Variants in TSEN15 observed in about 807,000 individuals in gnomAD.
The protein encoded by TSEN15 is tRNA-splicing endonuclease subunit Sen15.
In TSEN15, 10 loss-of-function variants were observed where a neutral mutation model predicts 20.5. The ratio of observed to expected loss-of-function variants is 0.49; its 90% CI spans 0.30 to 0.83. The LOEUF (loss-of-function observed/expected upper bound fraction) is 0.83. TSEN15 is among the 40% of genes least tolerant of loss of function. The pLI, the probability that TSEN15 is intolerant of heterozygous loss-of-function variation, is 0.06. For missense variants in TSEN15, 180 were observed against 218.6 expected (o/e 0.82, Z 1.11); for synonymous variants, 72 against 80.1 (o/e 0.90, Z 0.54).
intron 3 of TSEN15, chr1:184,070,558 A>G: frequency 3.7e-6 from 3 of 814,364 alleles, no homozygotes; most frequent in South Asian, 1.7e-5. Flanking sequence ...GTAGAAAAAA[A>G]TTAATTCAAG....
intron 3 of TSEN15, among the ~76,000 whole-genome samples, chr1:184,062,274 C>G (rs970139437): frequency 1.3e-5 from 2 of 152,066 alleles, no homozygotes; most frequent in East Asian, 3.8e-4. Context: ...GGACAGTACT[C>G]TAGATTGTTT....
chr1:184,074,411 A>G (rs1651016172), downstream of TSEN15, among the ~76,000 whole-genome samples: 1 of 152,132 alleles, frequency 6.6e-6, no homozygotes, highest in African/African-American at 2.4e-5. Flanking sequence ...TGACTGGGGA[A>G]GGGTCAGCTT....
At chr1:184,085,211 G>GT (rs1377066111) in intron 3 of TSEN15, among the ~76,000 whole-genome samples, 3 of 152,170 alleles carry the variant, frequency 2.0e-5, no homozygotes, top group Admixed American at 2.0e-4. Flanking sequence ...AAGGGGGAAT[G>GT]TTCAGGGTGC....
chr1:184,072,730 T>C, intron 4 of TSEN15, 97 bp from the exon 5 acceptor site: 1 of 973,472 alleles, frequency 1.0e-6, no homozygotes, highest in Non-Finnish European at 1.6e-6. Context: ...ACTTTGTTGG[T>C]ATAATTTGGA....
intron 3 of TSEN15, among the ~76,000 whole-genome samples, chr1:184,082,516 G>A (rs1290620576): frequency 1.3e-5 from 2 of 152,112 alleles, no homozygotes; most frequent in Non-Finnish European, 2.9e-5. Flanking sequence ...AGGGGGTATA[G>A]GGTAGGAGTG....
In TSEN15 at chr1:184,060,202, A is replaced by T. The variant is rs148544264; in HGVS notation, c.353+5339A>T. ...AGACAGTTTGTTTTTATTTTTTGAC[A>T]GAAATAAGGTACTGTTTAATGGGGA... On this transcript the variant is annotated intron_variant, in intron 3 of 4. Coordinates refer to ENST00000645668, the MANE Select transcript of TSEN15 (RefSeq NM_052965.4). Among the ~76,000 whole-genome samples, 470 of 152,366 alleles carry T rather than the reference A, an allele frequency of 3.1e-3. 2 individuals carry two copies. Among genetic ancestry groups the T allele is most frequent in the African/African-American group, 7.4e-3 (306 of 41,592 alleles).
At chr1:184,077,646 A>C (rs999511211), downstream of TSEN15, among the ~76,000 whole-genome samples, 3 of 152,182 alleles carry the variant, frequency 2.0e-5, no homozygotes, top group African/African-American at 7.2e-5. Context: ...GCCATTAAGA[A>C]TATTTGTGAT....
chr1:184,092,938 G>A (rs1651386175), intron 3 of TSEN15, among the ~76,000 whole-genome samples: 1 of 152,112 alleles, frequency 6.6e-6, no homozygotes, highest in African/African-American at 2.4e-5. Context: ...GTCATTCTTT[G>A]GGCAAAGAAT....
intron 4 of TSEN15, 21 bp from the exon 5 acceptor site, chr1:184,072,806 C>T: frequency 1.3e-6 from 2 of 1,596,382 alleles, no homozygotes; most frequent in Non-Finnish European, 1.7e-6. Flanking sequence ...AAAAGTCCAT[C>T]CTGATCTTTT....
intron 3 of TSEN15, among the ~76,000 whole-genome samples, chr1:184,055,284 C>T (rs749312997): frequency 6.6e-6 from 1 of 152,058 alleles, no homozygotes; most frequent in African/African-American, 2.4e-5. Flanking sequence ...CCAGATCTCA[C>T]GAGAACTCAT....
At chr1:184,053,785 G>T (rs1390500459) in intron 1 of TSEN15, among the ~76,000 whole-genome samples, 1 of 152,164 alleles carries the variant, frequency 6.6e-6, no homozygotes, top group Admixed American at 6.5e-5. Flanking sequence ...GGGTAGAGAG[G>T]CTAGGACTGA....
Position 184,088,736 on chromosome 1 carries a change from CTGTT to C in TSEN15, c.354-6943_354-6940del, listed in dbSNP as rs541537106. ...CTTCAGTGCTCATCTGGGTTGTTTT[CTGTT>C]TGTTTGTTTGCTTGCTTGTTTTTAT... On this transcript the variant is annotated intron_variant, in intron 3 of 3. Coordinates refer to the TSEN15 transcript ENST00000643231. Among the ~76,000 whole-genome samples the C allele has an allele frequency of 1.2e-4, 15 of 129,488 alleles. 1 individual carries two copies. In the South Asian group the frequency reaches 2.2e-3, roughly 19 times the overall value. The allele number at this position is 129,488 out of a possible 152,430, so 84.9% of individuals were successfully genotyped here.
At chr1:184,051,957 GCT>G (rs928685596) in intron 1 of TSEN15, 67 bp downstream of exon 1, 32 of 1,342,262 alleles carry the variant, frequency 2.4e-5, no homozygotes, top group Admixed American at 3.1e-5. Context: ...CTCCCAGGCA[GCT>G]CTCTTTCTTT....
chr1:184,083,242 G>T (rs2102901942), intron 3 of TSEN15, among the ~76,000 whole-genome samples: 1 of 152,240 alleles, frequency 6.6e-6, no homozygotes, highest in Non-Finnish European at 1.5e-5. Flanking sequence ...ACTTTGTACA[G>T]AAAGCAGAGC....
chr1:184,086,329 T>C (rs1057415886), intron 3 of TSEN15, among the ~76,000 whole-genome samples: 22 of 152,204 alleles, frequency 1.4e-4, no homozygotes, highest in African/African-American at 5.3e-4. Flanking sequence ...TAGGCAAAAC[T>C]AAGTTAGAGT....
At chr1:184,087,857 C>T (rs1033591198) in intron 3 of TSEN15, among the ~76,000 whole-genome samples, 41 of 152,030 alleles carry the variant, frequency 2.7e-4, no homozygotes, top group Admixed American at 1.2e-3. Context: ...GTTCACTTTG[C>T]GGGGATAACA....
intron 3 of TSEN15, among the ~76,000 whole-genome samples, chr1:184,090,134 C>T (rs186557539): frequency 6.6e-4 from 101 of 152,256 alleles, no homozygotes; most frequent in Admixed American, 3.6e-3. Context: ...GGATACTACT[C>T]AGCAATAAAA....
rs186257422 is a variant in TSEN15, at chr1:184,052,042, A to G, written c.135+152A>G. ...ACCGGTGTGCACAACTGCCAGCCTC[A>G]GGCAGCATCGGTTTTGTTTGTTTAA... On this transcript the variant is annotated intron_variant, in intron 1 of 4. Coordinates refer to ENST00000645668, the MANE Select transcript of TSEN15 (RefSeq NM_052965.4). The G allele has an allele frequency of 5.8e-4, 499 of 858,694 alleles. 5 individuals are homozygous for G. In the African/African-American group the frequency reaches 8.0e-3, roughly 14 times the overall value. The allele number at this position is 858,694 out of a possible 1,614,324, so 53.2% of individuals were successfully genotyped here.
chr1:184,058,398 T>A (rs1295721235), intron 3 of TSEN15, among the ~76,000 whole-genome samples: 2 of 152,006 alleles, frequency 1.3e-5, no homozygotes, highest in African/African-American at 4.8e-5. Flanking sequence ...ATATGCCTTT[T>A]AGTGCATAAC....
Sources: allele counts gnomAD v4.1 joint callset (sites outside exome capture counted in the v4.1 genomes callset), GRCh38; gene constraint gnomAD v4.1.1; transcripts MANE v1.5; gene names NCBI Gene and HGNC (gene_info 2026-07-23, HGNC 2026-07-21).